Variants in ADD1 observed in about 807,000 individuals in gnomAD.
The protein encoded by ADD1 is alpha-adducin.
Under a neutral mutation model 80.5 loss-of-function variants are expected in ADD1, and 24 were observed. The observed-to-expected ratio is 0.30, with a 90% CI of 0.22 to 0.42. The LOEUF is 0.42. Ranked by LOEUF, ADD1 falls within the 10% of genes least tolerant of loss-of-function variation. The pLI, the probability that ADD1 is intolerant of heterozygous loss-of-function variation, is 1.00. For synonymous variants in ADD1, 373 were observed against 393.8 expected (o/e 0.95, Z 0.63); for missense variants, 948 against 1,019.0 (o/e 0.93, Z 0.95).
rs116252437 is a variant in ADD1, at chr4:2,864,371, C to T, written c.-20-11525C>T. Among the ~76,000 whole-genome samples the T allele has an allele frequency of 5.5e-3, 838 of 152,240 alleles. 6 individuals are homozygous for T. Among genetic ancestry groups the T allele is most frequent in the Non-Finnish European group, 9.2e-3 (629 of 68,006 alleles). On this transcript the variant is annotated intron_variant, in intron 1 of 15. Coordinates refer to ENST00000683351, the MANE Select transcript of ADD1 (RefSeq NM_001354761.2). ...GAGGTTGCAGTGAGCCAAGATCGTG[C>T]GTGCCATTGCTCCACCCTGGGTGAC... is the stretch of plus-strand genomic sequence containing the variant.
At chr4:2,862,013 A>G (rs1577458565) in intron 1 of ADD1, among the ~76,000 whole-genome samples, 1 of 152,366 alleles carries the variant, frequency 6.6e-6, no homozygotes, top group South Asian at 2.1e-4. Flanking sequence ...GGCCCAGGGA[A>G]GCCAAAAGAT....
rs1725761551 is a variant in ADD1, at chr4:2,843,914, G to C, written c.-131G>C. 1 of 152,710 alleles carries C rather than the reference G, an allele frequency of 6.5e-6. No homozygotes were observed. The highest frequency in any genetic ancestry group is 1.9e-4 in the South Asian group (1 of 5,300). 9.5% of individuals were successfully genotyped at this position (152,710 alleles called of 1,614,324 possible). A position where few individuals can be genotyped will look rare whatever the true frequency, so the allele number is the denominator to read the frequency against. ...GGGCTGAGGGGCGGAGAGGCCTGGC[G>C]GGCCGCTGCTGCGGGCCAGGGGACG... On this transcript the variant is annotated 5_prime_UTR_variant, in exon 1 of 16. Transcript: ENST00000683351.
chr4:2,894,103 T>C lies in ADD1; in HGVS notation c.591+10T>C, dbSNP rs757923335. ...GACTGCATCCAGTTTGGTAAGAATG[T>C]CCTTCTCTTTGGCAGCTTGTATGTG... On this transcript the variant is annotated intron_variant, in intron 5 of 15. Coordinates refer to ENST00000683351, the MANE Select transcript of ADD1 (RefSeq NM_001354761.2). 34 of 1,609,864 alleles carry C rather than the reference T, an allele frequency of 2.1e-5. 1 individual carries two copies. The South Asian group carries it at 3.7e-4, about 18-fold the overall frequency.
At chr4:2,897,739 C>T (rs1735499854) in intron 6 of ADD1, among the ~76,000 whole-genome samples, 3 of 151,810 alleles carry the variant, frequency 2.0e-5, no homozygotes, top group Admixed American at 6.6e-5. Flanking sequence ...CCCAGGCTGA[C>T]GTCGAACTTC....
intron 3 of ADD1, 118 bp from the exon 4 acceptor site, chr4:2,884,397 A>G: frequency 3.0e-6 from 2 of 677,934 alleles, no homozygotes; most frequent in Non-Finnish European, 2.3e-6. Flanking sequence ...TGCTATCATA[A>G]GCACTACAGC....
intron 13 of ADD1, among the ~76,000 whole-genome samples, chr4:2,911,448 A>ATATATATATATATATATATTTTTTTT (rs553567632): frequency 2.3e-5 from 3 of 130,518 alleles, no homozygotes; most frequent in African/African-American, 8.9e-5. Flanking sequence ...ATATATATAT[A>ATATATATATATATATATATTTTTTTT]TTTTTTTTTT....
At position 2,928,638 on chromosome 4, in the gene ADD1, T is replaced by C; in HGVS notation, c.*115T>C. 2 of 1,182,942 alleles carry C rather than the reference T, an allele frequency of 1.7e-6. No homozygotes were observed. The highest frequency in any genetic ancestry group is 2.4e-6 in the Non-Finnish European group (2 of 830,426). 73.3% of individuals were successfully genotyped at this position (1,182,942 alleles called of 1,614,324 possible). ...ATGCAAAAAAGCCAAGCCCTCCGCC[T>C]AGAGGTCCCCTCACGTGACCAGCCC... On this transcript the variant is annotated 3_prime_UTR_variant, in exon 16 of 16. Transcript: ENST00000683351.
Position 2,926,737 on chromosome 4 carries a change from T to C in ADD1, c.2047+625T>C. 2.0e-6 allele frequency: 3 copies of C among 1,533,234 alleles called. 1 individual carries two copies. In the South Asian group the frequency reaches 3.5e-5, roughly 18 times the overall value. The allele number at this position is 1,533,234 out of a possible 1,614,324, so 95.0% of individuals were successfully genotyped here. ...CTGCGCTTTGCCTCATTCTCCTGCTTCTTTGTTGTTTATTAAGTTTTGTTT... is the reference window on the plus strand; with the variant it reads ...CTGCGCTTTGCCTCATTCTCCTGCTCCTTTGTTGTTTATTAAGTTTTGTTT... On this transcript the variant is annotated intron_variant, in intron 15 of 15. Transcript: ENST00000683351. This position sits in a 1 kb window ranked among gnomAD's most constrained non-coding sequence, Gnocchi z 5.0.
chr4:2,859,205 C>T (rs950808572), intron 1 of ADD1, among the ~76,000 whole-genome samples: 6 of 152,140 alleles, frequency 3.9e-5, no homozygotes, highest in Non-Finnish European at 5.9e-5. Flanking sequence ...TCAGAGATAA[C>T]GCCTTAACAT....
chr4:2,875,538 A>G (rs2108890993), intron 1 of ADD1, among the ~76,000 whole-genome samples: 1 of 152,346 alleles, frequency 6.6e-6, no homozygotes, highest in South Asian at 2.1e-4. Context: ...TTCTTAGCAG[A>G]TCTTGTCTGT....
chr4:2,919,781 A>C (rs905904077), intron 14 of ADD1, among the ~76,000 whole-genome samples: 1 of 152,064 alleles, frequency 6.6e-6, no homozygotes, highest in Non-Finnish European at 1.5e-5. Flanking sequence ...ATCTTTAAAA[A>C]AAACCAGCTC....
intron 1 of ADD1, among the ~76,000 whole-genome samples, chr4:2,855,848 T>G (rs1727976037): frequency 6.6e-6 from 1 of 151,832 alleles, no homozygotes; most frequent in South Asian, 2.1e-4. Context: ...TACAGGCACA[T>G]GCCGCCATGA....
At chr4:2,917,885 TCTGTTTTGGTACCAGTACCGTG>T (rs1478675013) in intron 14 of ADD1, among the ~76,000 whole-genome samples, 1 of 152,230 alleles carries the variant, frequency 6.6e-6, no homozygotes, top group Non-Finnish European at 1.5e-5. Context: ...GGTCTCTATA[TCTGTTTTGGTACCAGTACCGTG>T]CTGTTTTGGT....
chr4:2,872,036 G>GC (rs1372686529), intron 1 of ADD1, among the ~76,000 whole-genome samples: 1 of 152,156 alleles, frequency 6.6e-6, no homozygotes, highest in Non-Finnish European at 1.5e-5. Flanking sequence ...GGATTGTTGT[G>GC]GGGGTTGTTA....
chr4:2,913,915 C>T (rs1335199370), intron 13 of ADD1, among the ~76,000 whole-genome samples: 8 of 151,808 alleles, frequency 5.3e-5, no homozygotes, highest in Non-Finnish European at 8.8e-5. Flanking sequence ...CCAGGGTAGC[C>T]GGGCGTGGTG....
At chr4:2,889,214 G>A (rs1733903703) in intron 4 of ADD1, among the ~76,000 whole-genome samples, 5 of 152,164 alleles carry the variant, frequency 3.3e-5, no homozygotes, top group Admixed American at 2.6e-4. Flanking sequence ...TGCTGTAGTC[G>A]GCATTGCAGC....
At chr4:2,844,585 T>C (rs1036628040) in intron 1 of ADD1, 9 of 152,240 alleles carry the variant, frequency 5.9e-5, no homozygotes, top group African/African-American at 2.2e-4. Flanking sequence ...TCTTAATCTT[T>C]TATTTTCGTT....
intron 9 of ADD1, chr4:2,902,040 C>G (rs936297690): frequency 1.3e-5 from 2 of 152,012 alleles, no homozygotes; most frequent in African/African-American, 4.8e-5. Flanking sequence ...TGGGTGTAAA[C>G]TACCACGCCT....
At chr4:2,868,737 A>G (rs1344523153) in intron 1 of ADD1, among the ~76,000 whole-genome samples, 5 of 152,124 alleles carry the variant, frequency 3.3e-5, no homozygotes, top group Admixed American at 3.3e-4. Context: ...ATGTACCCAG[A>G]TAATTTATCC....
Sources: allele counts gnomAD v4.1 joint callset (sites outside exome capture counted in the v4.1 genomes callset), GRCh38; gene constraint gnomAD v4.1.1; non-coding constraint Gnocchi (gnomAD v3.1); transcripts MANE v1.5; gene names NCBI Gene and HGNC (gene_info 2026-07-23, HGNC 2026-07-21).